PLGRKT: variants seen among roughly 807,000 people sequenced by gnomAD.
PLGRKT encodes plasminogen receptor with a C-terminal lysine.
PLGRKT carries 22 observed loss-of-function variants against 18.5 expected under a neutral mutation model. The observed-to-expected ratio is 1.19, with a 90% CI of 0.85 to 1.70. The LOEUF is 1.70. Ranked by LOEUF, PLGRKT falls within the 40% of genes most tolerant of loss-of-function variation. PLGRKT has a pLI of 0.00. For synonymous variants in PLGRKT, 72 were observed against 52.8 expected (o/e 1.36, Z -1.58); for missense variants, 235 against 174.4 (o/e 1.35, Z -1.96).
intron 3 of PLGRKT, chr9:5,381,899 A>G (rs1352137759): frequency 1.0e-6 from 1 of 985,004 alleles, no homozygotes; most frequent in East Asian, 1.1e-4. Flanking sequence ...CAAATCACAG[A>G]GGGACCACAT....
chr9:5,380,249 C>T (rs977063993), intron 3 of PLGRKT, among the ~76,000 whole-genome samples: 1 of 151,884 alleles, frequency 6.6e-6, no homozygotes, highest in Non-Finnish European at 1.5e-5. Flanking sequence ...CCTGTAGTCC[C>T]AGCTACTCGG....
chr9:5,418,758 C>T lies in PLGRKT; in HGVS notation c.81+13139G>A. 2.8e-6 allele frequency: 2 copies of T among 712,036 alleles called. No homozygotes were observed. Among genetic ancestry groups the T allele is most frequent in the South Asian group, 3.2e-5 (2 of 61,636 alleles). 44.1% of individuals were successfully genotyped at this position (712,036 alleles called of 1,614,324 possible). ...GTGGAATGGTGATGACAGCCAGGAC[C>T]TCGGGGTCGTCGAGGAGCTGCGACA... On this transcript the variant is annotated intron_variant, in intron 3 of 5. Coordinates refer to ENST00000223864, the MANE Select transcript of PLGRKT (RefSeq NM_018465.4). This position sits in a 1 kb window ranked among gnomAD's most constrained non-coding sequence, Gnocchi z 4.2.
At chr9:5,374,478 G>A (rs995720581) in intron 3 of PLGRKT, among the ~76,000 whole-genome samples, 6 of 152,152 alleles carry the variant, frequency 3.9e-5, no homozygotes, top group Admixed American at 1.3e-4. Context: ...GTCCTGCCAG[G>A]CTTTTCCTTG....
At chr9:5,373,022 C>T (rs918939014) in intron 3 of PLGRKT, among the ~76,000 whole-genome samples, 26 of 152,150 alleles carry the variant, frequency 1.7e-4, no homozygotes, top group African/African-American at 5.1e-4. Context: ...GCAATAATCA[C>T]GTTAATATGG....
Position 5,358,080 on chromosome 9 carries a change from T to C in PLGRKT, c.*159A>G. ...AGCACCTCCATGATTTTGTGTTGAA[T>C]GTTATAAATTTTATTTTAAAATAGC... On this transcript the variant is annotated 3_prime_UTR_variant, in exon 6 of 6. Coordinates refer to ENST00000223864, the MANE Select transcript of PLGRKT (RefSeq NM_018465.4). 1.9e-6 allele frequency: 1 copy of C among 517,710 alleles called. No individual in the cohort carries two copies. The highest frequency in any genetic ancestry group is 1.9e-5 in the African/African-American group (1 of 52,444). The allele number at this position is 517,710 out of a possible 1,614,324, so 32.1% of individuals were successfully genotyped here. A position where few individuals can be genotyped will look rare whatever the true frequency, so the allele number is the denominator to read the frequency against.
rs145401342 is a variant in PLGRKT at position 5,418,638 on chromosome 9, G to T, written c.81+13259C>A. 2.9e-6 allele frequency: 2 copies of T among 698,284 alleles called. No homozygotes were observed. Among genetic ancestry groups the T allele is most frequent in the Admixed American group, 1.9e-5 (1 of 52,024 alleles). The allele number at this position is 698,284 out of a possible 1,614,324, so 43.3% of individuals were successfully genotyped here. ...GCAGCAGGTGGCGGCTCATATCTCCGGGCAGCAGCGCGTGCTCCTTGGAGA... is the reference window on the plus strand; with the variant it reads ...GCAGCAGGTGGCGGCTCATATCTCCTGGCAGCAGCGCGTGCTCCTTGGAGA... On this transcript the variant is annotated intron_variant, in intron 3 of 5. Coordinates refer to ENST00000223864, the MANE Select transcript of PLGRKT (RefSeq NM_018465.4). This position sits in a 1 kb window ranked among gnomAD's most constrained non-coding sequence, Gnocchi z 4.2.
chr9:5,418,340 C>G lies in PLGRKT; in HGVS notation c.81+13557G>C, dbSNP rs1000044167. ...AATGTGCTCAACCCCTAAGTTGGCA[C>G]CCACAAGAGACTTCCCTGCAGCCCT... On this transcript the variant is annotated intron_variant, in intron 3 of 5. Transcript: ENST00000223864. This position sits in a 1 kb window ranked among gnomAD's most constrained non-coding sequence, Gnocchi z 4.2. The G allele has an allele frequency of 2.3e-5, 15 of 648,064 alleles. No homozygotes were observed. The highest frequency in any genetic ancestry group is 3.7e-5 in the Non-Finnish European group (13 of 354,276). 40.1% of individuals were successfully genotyped at this position (648,064 alleles called of 1,614,324 possible).
intron 4 of PLGRKT, among the ~76,000 whole-genome samples, chr9:5,361,551 A>C (rs1386556468): frequency 6.6e-6 from 1 of 152,218 alleles, no homozygotes; most frequent in Non-Finnish European, 1.5e-5. Flanking sequence ...AAAGTAGAGA[A>C]AAAGACAGAA....
At chr9:5,370,210 T>A (rs892316089) in intron 3 of PLGRKT, among the ~76,000 whole-genome samples, 7 of 152,254 alleles carry the variant, frequency 4.6e-5, no homozygotes, top group Admixed American at 1.3e-4. Flanking sequence ...GTATTTTCAT[T>A]CTTCAATTTC....
intron 3 of PLGRKT, among the ~76,000 whole-genome samples, chr9:5,406,618 G>T (rs1358761428): frequency 6.7e-6 from 1 of 148,588 alleles, no homozygotes; most frequent in African/African-American, 2.5e-5. Context: ...GGGAGGGTGG[G>T]CCAGGGGGAG....
At chr9:5,372,924 T>C (rs1448179712) in intron 3 of PLGRKT, among the ~76,000 whole-genome samples, 1 of 152,120 alleles carries the variant, frequency 6.6e-6, no homozygotes, top group Non-Finnish European at 1.5e-5. Context: ...ATTTGAGTGA[T>C]TTTCCCCGTG....
At chr9:5,369,868 C>T (rs978846530) in intron 3 of PLGRKT, among the ~76,000 whole-genome samples, 1 of 152,050 alleles carries the variant, frequency 6.6e-6, no homozygotes, top group African/African-American at 2.4e-5. Context: ...TGTTCTCACT[C>T]ATATGTGGGA....
At chr9:5,422,743 A>G (rs1487157871) in intron 3 of PLGRKT, among the ~76,000 whole-genome samples, 1 of 152,228 alleles carries the variant, frequency 6.6e-6, no homozygotes, top group Non-Finnish European at 1.5e-5. Flanking sequence ...AGGTAAATAG[A>G]AATTTGCCTT....
chr9:5,364,607 G>A (rs911079515), intron 3 of PLGRKT, among the ~76,000 whole-genome samples: 1 of 152,140 alleles, frequency 6.6e-6, no homozygotes, highest in African/African-American at 2.4e-5. Flanking sequence ...ATGAAGGGTT[G>A]GGGGAAAAGA....
At chr9:5,385,228 A>G (rs1471099321) in intron 3 of PLGRKT, among the ~76,000 whole-genome samples, 1 of 152,160 alleles carries the variant, frequency 6.6e-6, no homozygotes, top group African/African-American at 2.4e-5. Flanking sequence ...AAAACAGTAA[A>G]TAAGTATTAT....
At chr9:5,436,003 C>T (rs963825430) in intron 2 of PLGRKT, among the ~76,000 whole-genome samples, 3 of 152,178 alleles carry the variant, frequency 2.0e-5, no homozygotes, top group Admixed American at 6.5e-5. Flanking sequence ...CACAGGATAC[C>T]AAACCACTTA....
intron 3 of PLGRKT, chr9:5,419,009 G>A (rs1228446066): frequency 3.7e-6 from 2 of 537,796 alleles, no homozygotes; most frequent in Non-Finnish European, 3.3e-6. Flanking sequence ...CAAGGCCAAG[G>A]GGAAGGGGAG....
chr9:5,415,282 T>C (rs1818439035), intron 3 of PLGRKT, among the ~76,000 whole-genome samples: 1 of 152,232 alleles, frequency 6.6e-6, no homozygotes, highest in African/African-American at 2.4e-5. Flanking sequence ...TACTAGTTTA[T>C]AACCCATAGA....
chr9:5,413,365 C>T (rs577124362), intron 3 of PLGRKT, among the ~76,000 whole-genome samples: 1 of 152,264 alleles, frequency 6.6e-6, no homozygotes, highest in South Asian at 2.1e-4. Context: ...TCCTCAGAAC[C>T]TGTGAATGTA....
Sources: gnomAD v4.1 joint callset for allele counts (sites outside exome capture counted in the v4.1 genomes callset) on GRCh38, gnomAD v4.1.1 for gene constraint, Gnocchi (gnomAD v3.1) non-coding constraint, MANE v1.5 for transcripts, NCBI Gene and HGNC (gene_info 2026-07-23, HGNC 2026-07-21) for gene names.